Variants in STXBP6 observed in about 807,000 individuals in gnomAD.
STXBP6 encodes syntaxin-binding protein 6.
STXBP6 carries 21 observed loss-of-function variants against 26.9 expected under a neutral mutation model. That is an observed-to-expected ratio of 0.78 (90% CI 0.55 to 1.12). The LOEUF is 1.12. STXBP6 is among the 50% of genes most tolerant of loss of function. The pLI is 0.00. For synonymous variants in STXBP6, 97 were observed against 92.6 expected, an observed-to-expected ratio of 1.05 and a Z score of -0.27; for missense variants, 232 against 257.9, an observed-to-expected ratio of 0.90 and a Z score of 0.69.
intron 1 of STXBP6, among the ~76,000 whole-genome samples, chr14:24,980,952 T>C (rs1404036115): frequency 1.3e-5 from 2 of 152,358 alleles, no homozygotes; most frequent in Non-Finnish European, 2.9e-5. Context: ...TCAGGGGATC[T>C]GGGGCTAGGG....
At chr14:25,023,621 C>A (rs542987909) in intron 1 of STXBP6, among the ~76,000 whole-genome samples, 8 of 151,658 alleles carry the variant, frequency 5.3e-5, no homozygotes, top group African/African-American at 1.9e-4. Context: ...CTAGCCTGGG[C>A]AACATAGCAA....
At chr14:24,951,501 T>C (rs527371113) in intron 2 of STXBP6, among the ~76,000 whole-genome samples, 1 of 152,332 alleles carries the variant, frequency 6.6e-6, no homozygotes, top group South Asian at 2.1e-4. Context: ...TTCATGTTTG[T>C]TGGCAGCATA....
At chr14:24,836,785 T>C (rs535106708) in intron 4 of STXBP6, among the ~76,000 whole-genome samples, 6 of 152,212 alleles carry the variant, frequency 3.9e-5, no homozygotes, top group South Asian at 2.1e-4. Context: ...TTTTCTTAAT[T>C]CTTTAAATCT....
chr14:24,929,450 T>C (rs555002172), intron 2 of STXBP6, among the ~76,000 whole-genome samples: 131 of 152,374 alleles, frequency 8.6e-4, no homozygotes, highest in African/African-American at 2.6e-3. Context: ...CCCTTTCTGA[T>C]ACAGCAAATT....
Position 24,812,326 on chromosome 14 carries a change from C to T in STXBP6, c.*383G>A, listed in dbSNP as rs1478455133. 1 of 173,468 alleles carries T rather than the reference C, an allele frequency of 5.8e-6. No individual in the cohort carries two copies. Among genetic ancestry groups the T allele is most frequent in the Non-Finnish European group, 1.2e-5 (1 of 81,230 alleles). The allele number at this position is 173,468 out of a possible 1,614,324, so 10.7% of individuals were successfully genotyped here. A position where few individuals can be genotyped will look rare whatever the true frequency, so the allele number is the denominator to read the frequency against. ...ATTAAAATGCCTTCCTGCTTAATAT[C>T]AGAGAAAAAAATACATGTTGCCAGT... is the stretch of plus-strand genomic sequence containing the variant. On this transcript the variant is annotated 3_prime_UTR_variant, in exon 6 of 6. Transcript: ENST00000323944.
chr14:24,901,443 C>A (rs2071209738), intron 2 of STXBP6, among the ~76,000 whole-genome samples: 1 of 152,156 alleles, frequency 6.6e-6, no homozygotes, highest in Non-Finnish European at 1.5e-5. Flanking sequence ...ATATTACAAC[C>A]ACTGGGAAAA....
intron 1 of STXBP6, among the ~76,000 whole-genome samples, chr14:25,033,136 G>A (rs2075490106): frequency 6.6e-6 from 1 of 152,150 alleles, no homozygotes; most frequent in Non-Finnish European, 1.5e-5. Context: ...TAGTCTACCT[G>A]GGGAGGCATG....
chr14:24,821,574 G>A (rs1398251999), intron 4 of STXBP6, among the ~76,000 whole-genome samples: 2 of 152,142 alleles, frequency 1.3e-5, no homozygotes, highest in African/African-American at 4.8e-5. Flanking sequence ...GGATGAATTC[G>A]AACAAATTTC....
chr14:25,020,952 G>A (rs1396498354), intron 1 of STXBP6, among the ~76,000 whole-genome samples: 3 of 152,202 alleles, frequency 2.0e-5, no homozygotes, highest in Middle Eastern at 3.4e-3. Flanking sequence ...AGGCAGATTC[G>A]TGAGTACCAA....
chr14:24,870,099 C>T (rs1052481252), intron 2 of STXBP6, among the ~76,000 whole-genome samples: 5 of 152,080 alleles, frequency 3.3e-5, no homozygotes, highest in African/African-American at 1.2e-4. Context: ...TTCATGCATA[C>T]CAGTAAACAG....
chr14:24,869,479 T>C (rs919658174), intron 2 of STXBP6, among the ~76,000 whole-genome samples: 6 of 152,224 alleles, frequency 3.9e-5, no homozygotes, highest in Admixed American at 2.6e-4. Flanking sequence ...CTAAGAAAAA[T>C]CCCTGGGGGG....
intron 4 of STXBP6, among the ~76,000 whole-genome samples, chr14:24,820,460 G>A (rs2068103465): frequency 6.6e-6 from 1 of 152,110 alleles, no homozygotes; most frequent in African/African-American, 2.4e-5. Flanking sequence ...GAGGAGAATG[G>A]GGTTAACTCA....
chr14:24,874,927 T>G (rs957551001), intron 2 of STXBP6, among the ~76,000 whole-genome samples: 1 of 152,140 alleles, frequency 6.6e-6, no homozygotes, highest in Admixed American at 6.5e-5. Context: ...GTGTTTCTGC[T>G]ATCAAATCAC....
intron 1 of STXBP6, among the ~76,000 whole-genome samples, chr14:24,990,656 T>G: frequency 1.7e-5 from 1 of 59,262 alleles, no homozygotes; most frequent in South Asian, 4.6e-4. Flanking sequence ...TGAAACTCCA[T>G]CTCAAAAAAA....
chr14:24,935,393 G>C (rs1451961024), intron 2 of STXBP6, among the ~76,000 whole-genome samples: 2 of 152,114 alleles, frequency 1.3e-5, no homozygotes, highest in African/African-American at 4.8e-5. Flanking sequence ...AAAAGAAAAA[G>C]AGATAAAAAG....
chr14:24,965,890 T>A (rs1226097087), intron 2 of STXBP6, among the ~76,000 whole-genome samples: 2 of 152,152 alleles, frequency 1.3e-5, no homozygotes, highest in African/African-American at 4.8e-5. Flanking sequence ...AAAGAATGCA[T>A]CTATGTGGCT....
intron 1 of STXBP6, among the ~76,000 whole-genome samples, chr14:25,023,870 C>A (rs982174702): frequency 6.6e-6 from 1 of 152,126 alleles, no homozygotes; most frequent in East Asian, 1.9e-4. Context: ...AACATATTAT[C>A]TGATTTGATC....
chr14:24,869,792 A>G (rs1366494703), intron 2 of STXBP6, among the ~76,000 whole-genome samples: 1 of 152,170 alleles, frequency 6.6e-6, no homozygotes, highest in African/African-American at 2.4e-5. Context: ...GATAAAGCCA[A>G]TCTGAATCAG....
chr14:24,998,413 G>A (rs1455409055), intron 1 of STXBP6, among the ~76,000 whole-genome samples: 2 of 152,098 alleles, frequency 1.3e-5, no homozygotes, highest in African/African-American at 2.4e-5. Context: ...TTTGTTTACT[G>A]GCTGAGCTAA....
Sources: allele counts gnomAD v4.1 joint callset (sites outside exome capture counted in the v4.1 genomes callset), GRCh38; gene constraint gnomAD v4.1.1; transcripts MANE v1.5; gene names NCBI Gene and HGNC (gene_info 2026-07-23, HGNC 2026-07-21).